STS: variants seen among roughly 807,000 people sequenced by gnomAD.
The protein encoded by STS is steryl-sulfatase.
In STS, 7 loss-of-function variants were observed where a neutral mutation model predicts 26.8. The observed-to-expected ratio is 0.26, with a 90% CI of 0.15 to 0.49. STS has a LOEUF of 0.49. STS is among the 20% of genes least tolerant of loss of function. The probability of loss-of-function intolerance (pLI) is 0.98; values close to 1 mark genes in which losing one functional copy is unlikely to be tolerated. For missense variants in STS, 434 were observed against 465.6 expected (o/e 0.93, Z 0.63); for synonymous variants, 199 against 189.4 (o/e 1.05, Z -0.42).
At chrX:7,203,833 G>A (rs1273731828) in intron 2 of STS, among the ~76,000 whole-genome samples, 1 of 111,171 alleles carries the variant, frequency 9.0e-6, no homozygotes, top group Non-Finnish European at 1.9e-5. Context: ...TGCCCAGGGT[G>A]GAATACGATG....
intron 8 of STS, among the ~76,000 whole-genome samples, chrX:7,316,839 C>T (rs1467313248): frequency 8.9e-6 from 1 of 111,844 alleles, no homozygotes; most frequent in African/African-American, 3.2e-5. Context: ...CGTGAATTAT[C>T]ATCACACACT....
Position 7,199,376 on chromosome X carries a change from G to A in STS, c.-5+8368G>A, listed in dbSNP as rs190696207. ...AAAGAATGGTTAGTATAATACTTGT[G>A]TTAATCGATCCTACTTTCTATCTCT... On this transcript the variant is annotated intron_variant, in intron 2 of 10. Coordinates refer to ENST00000674429, the MANE Select transcript of STS (RefSeq NM_001320752.2). Among the ~76,000 whole-genome samples the A allele has an allele frequency of 3.2e-3, 361 of 111,849 alleles. 1 individual carries two copies. The highest frequency in any genetic ancestry group is 5.0e-3 in the Non-Finnish European group (266 of 53,122).
intron 7 of STS, among the ~76,000 whole-genome samples, chrX:7,300,894 G>A (rs1357568490): frequency 9.0e-6 from 1 of 111,390 alleles, no homozygotes; most frequent in Non-Finnish European, 1.9e-5. Flanking sequence ...TATTTCAGTT[G>A]AGAGAATCTG....
rs149402702 is a variant in STS, at chrX:7,281,600, A to G, written c.943+5513A>G. On this transcript the variant is annotated intron_variant, in intron 7 of 10. Transcript: ENST00000674429. ...TGTAGCAGCAAGGGCCATGCACCCA[A>G]CTCGTCTTGAGGGATGGAGAATAAA... Among the ~76,000 whole-genome samples, 644 of 111,598 alleles carry G rather than the reference A, an allele frequency of 5.8e-3. 8 individuals carry two copies. The highest frequency in any genetic ancestry group is 0.02 in the African/African-American group (608 of 30,714).
At chrX:7,277,334 T>C (rs1924591134) in intron 7 of STS, among the ~76,000 whole-genome samples, 1 of 112,283 alleles carries the variant, frequency 8.9e-6, no homozygotes, top group South Asian at 3.7e-4. Context: ...TAGTTTCTAA[T>C]CTTTGGATCC....
intron 1 of STS, among the ~76,000 whole-genome samples, chrX:7,156,343 A>AT (rs1432107177): frequency 2.7e-5 from 3 of 110,434 alleles, no homozygotes; most frequent in African/African-American, 9.9e-5. Flanking sequence ...AGGTCTTTAT[A>AT]TATAATATAT....
chrX:7,254,568 TTTC>T (rs1223308811), intron 3 of STS, among the ~76,000 whole-genome samples: 2 of 107,509 alleles, frequency 1.9e-5, no homozygotes, highest in African/African-American at 3.4e-5. Flanking sequence ...TTTTTCTTTT[TTTC>T]TTCTTCTTTT....
chrX:7,264,616 A>T (rs1298642686), intron 6 of STS, among the ~76,000 whole-genome samples: 1 of 112,398 alleles, frequency 8.9e-6, no homozygotes, highest in Non-Finnish European at 1.9e-5. Flanking sequence ...GCATAAGGAA[A>T]ACCCCAGAGG....
intron 2 of STS, among the ~76,000 whole-genome samples, chrX:7,223,409 G>A (rs1262242117): frequency 8.9e-6 from 1 of 112,172 alleles, no homozygotes; most frequent in Non-Finnish European, 1.9e-5. Flanking sequence ...GACAACATCT[G>A]TTGTTTTTAG....
chrX:7,280,624 T>C (rs755310659), intron 7 of STS, among the ~76,000 whole-genome samples: 1 of 111,622 alleles, frequency 9.0e-6, no homozygotes, highest in East Asian at 2.8e-4. Flanking sequence ...CTGTTCATGG[T>C]TGGGGGTCAG....
At chrX:7,276,221 C>A in intron 7 of STS, 134 bp downstream of exon 7, 1 of 828,074 alleles carries the variant, frequency 1.2e-6, no homozygotes, top group Non-Finnish European at 1.7e-6. Context: ...TGAAAGTAAC[C>A]AAAAATGCAT....
At chrX:7,224,346 T>C (rs1921710448) in intron 2 of STS, among the ~76,000 whole-genome samples, 1 of 111,570 alleles carries the variant, frequency 9.0e-6, no homozygotes, top group African/African-American at 3.3e-5. Context: ...TGGCTGTCAT[T>C]AGAGTTAAGC....
At position 7,264,567 on chromosome X, in the gene STS, C is replaced by A. The variant is rs1242143311; in HGVS notation, c.806+4795C>A. On this transcript the variant is annotated intron_variant, in intron 6 of 10. Transcript: ENST00000674429. ...AGACAAAGAAGGGAAAAGGGAGAGT[C>A]CAGGACTACAGGGGTAGACAAGTGA... 4.5e-5 allele frequency among the ~76,000 whole-genome samples: 5 copies of A among 111,829 alleles called. No homozygotes were observed. In the East Asian group the frequency reaches 1.4e-3, roughly 31 times the overall value.
At position 7,334,036 on chromosome X, in the gene STS, G is replaced by A. The variant is rs146965552; in HGVS notation, c.1292G>A (p.Arg431His). ...LMPLLEGKSQ[R>H]SDHEFLFHYC... is the part of the protein sequence containing the mutation. ...CCCCTGCTTGAAGGAAAAAGCCAAC[G>A]CTCCGATCATGAGTTTCTCTTCCAT... The change falls in exon 10 of 11, where the codon CGC (arginine) becomes CAC (histidine). Residue 431 changes from arginine to histidine, a missense_variant. By Grantham distance (29) the Arg-to-His change is conservative. Coordinates refer to ENST00000674429, the MANE Select transcript of STS (RefSeq NM_001320752.2). 40 of 1,209,423 alleles carry A rather than the reference G, an allele frequency of 3.3e-5. No individual in the cohort carries two copies. Among genetic ancestry groups the A allele is most frequent in the African/African-American group, 1.9e-4 (11 of 57,076 alleles).
At chrX:7,236,445 A>G (rs746415677) in intron 2 of STS, among the ~76,000 whole-genome samples, 119 of 112,463 alleles carry the variant, frequency 1.1e-3, no homozygotes, top group Non-Finnish European at 2.0e-3. Flanking sequence ...CATTAAACCA[A>G]TATCAATGTC....
intron 7 of STS, among the ~76,000 whole-genome samples, chrX:7,294,723 G>T (rs1029816601): frequency 9.0e-6 from 1 of 111,728 alleles, no homozygotes; most frequent in Non-Finnish European, 1.9e-5. Context: ...TGTCAGGATT[G>T]CCCAACAGCC....
At chrX:7,323,845 C>G (rs779416463) in intron 8 of STS, among the ~76,000 whole-genome samples, 6 of 111,415 alleles carry the variant, frequency 5.4e-5, no homozygotes, top group Non-Finnish European at 1.1e-4. Flanking sequence ...GCCTGCATTC[C>G]TGGGCTTGGG....
At position 7,217,722 on chromosome X, in the gene STS, T is replaced by A. The variant is rs766425597; in HGVS notation, c.-5+26714T>A. Among the ~76,000 whole-genome samples, 5 of 111,199 alleles carry A rather than the reference T, an allele frequency of 4.5e-5. No homozygotes were observed. The East Asian group carries it at 1.1e-3, about 25-fold the overall frequency. On this transcript the variant is annotated intron_variant, in intron 2 of 10. Transcript: ENST00000674429. ...TCAAATCAAATTTCTGCCCCAGGTATTTGTAGAGCAAAGCCGCTGCTTCAC... is the reference window on the plus strand; with the variant it reads ...TCAAATCAAATTTCTGCCCCAGGTAATTGTAGAGCAAAGCCGCTGCTTCAC...
intron 2 of STS, among the ~76,000 whole-genome samples, chrX:7,191,490 G>A (rs1232158926): frequency 4.4e-5 from 5 of 112,431 alleles, no homozygotes; most frequent in Non-Finnish European, 7.5e-5. Context: ...AATACCTGAG[G>A]GACAGAATGG....
Sources: gnomAD v4.1 joint callset for allele counts (sites outside exome capture counted in the v4.1 genomes callset) on GRCh38, gnomAD v4.1.1 for gene constraint, MANE v1.5 for transcripts, NCBI Gene and HGNC (gene_info 2026-07-23, HGNC 2026-07-21) for gene names.